Variants in IFT80 observed in about 807,000 individuals in gnomAD.
IFT80 encodes intraflagellar transport protein 80 homolog.
In IFT80, 79 loss-of-function variants were observed where a neutral mutation model predicts 107.9. That is an observed-to-expected ratio of 0.73 (90% CI 0.61 to 0.88). The LOEUF (loss-of-function observed/expected upper bound fraction) is 0.88. IFT80 is among the 40% of genes least tolerant of loss of function. The pLI, the probability that IFT80 is intolerant of heterozygous loss-of-function variation, is 0.00. For synonymous variants in IFT80, 299 were observed against 300.9 expected, an observed-to-expected ratio of 0.99 and a Z score of 0.07; for missense variants, 797 against 914.2, an observed-to-expected ratio of 0.87 and a Z score of 1.65.
In IFT80 at chr3:160,279,380, G is replaced by C; in HGVS notation, c.1665-16C>G. ...ACTAAATTCACTGTTGAAAAAAAAA[G>C]CAAAGTACAATTTAAAGTTGTATTC... On this transcript the variant is annotated splice_polypyrimidine_tract_variant and intron_variant, in intron 15 of 19. Transcript: ENST00000326448. The C allele has an allele frequency of 1.9e-6, 3 of 1,599,896 alleles. No homozygotes were observed. The highest frequency in any genetic ancestry group is 2.6e-6 in the Non-Finnish European group (3 of 1,168,070).
chr3:160,376,096 G>A (rs112615607), intron 4 of IFT80, among the ~76,000 whole-genome samples: 2 of 152,126 alleles, frequency 1.3e-5, no homozygotes, highest in African/African-American at 2.4e-5. Context: ...ACGTTGAAAC[G>A]ATTTTATCAA....
At chr3:160,312,695 A>G (rs1717399734) in intron 9 of IFT80, among the ~76,000 whole-genome samples, 1 of 51,618 alleles carries the variant, frequency 1.9e-5, no homozygotes, top group African/African-American at 8.7e-5. Context: ...TATATTATAT[A>G]TAAATATATA....
intron 8 of IFT80, among the ~76,000 whole-genome samples, chr3:160,346,757 T>C (rs1480184599): frequency 6.6e-6 from 1 of 152,132 alleles, no homozygotes; most frequent in Non-Finnish European, 1.5e-5. Flanking sequence ...AAAAATACTC[T>C]CCCACTCTTT....
At chr3:160,313,112 A>T (rs1258465400) in intron 9 of IFT80, among the ~76,000 whole-genome samples, 1 of 119,180 alleles carries the variant, frequency 8.4e-6, no homozygotes, top group Non-Finnish European at 1.6e-5. Context: ...TTTTTTATAT[A>T]TATTTAAATC....
intron 12 of IFT80, among the ~76,000 whole-genome samples, chr3:160,295,895 A>G (rs1715938333): frequency 6.6e-6 from 1 of 152,216 alleles, no homozygotes; most frequent in South Asian, 2.1e-4. Context: ...AAAGCTAGTC[A>G]CAGAAGAACA....
intron 8 of IFT80, among the ~76,000 whole-genome samples, chr3:160,337,011 C>T (rs1016338634): frequency 6.6e-6 from 1 of 152,052 alleles, no homozygotes; most frequent in African/African-American, 2.4e-5. Context: ...AAGTAATAAC[C>T]CTTTTATTAC....
At chr3:160,305,118 TAATAAA>T (rs1559929458) in intron 10 of IFT80, among the ~76,000 whole-genome samples, 1 of 152,264 alleles carries the variant, frequency 6.6e-6, no homozygotes, top group Non-Finnish European at 1.5e-5. Context: ...CATCCTTAAA[TAATAAA>T]AATTGTTCCA....
At chr3:160,280,840 G>T (rs1346669514) in intron 14 of IFT80, 26 bp from the exon 15 acceptor site, 2 of 1,597,164 alleles carry the variant, frequency 1.3e-6, no homozygotes, top group Non-Finnish European at 1.7e-6. Context: ...ATGTTAATGT[G>T]CTATTAGCTT....
chr3:160,379,407 C>T (rs2108400260), intron 3 of IFT80, among the ~76,000 whole-genome samples: 1 of 152,252 alleles, frequency 6.6e-6, no homozygotes, highest in East Asian at 1.9e-4. Context: ...TAGATAATAG[C>T]ATTGCATCAG....
chr3:160,363,651 A>G (rs766628171), intron 6 of IFT80, among the ~76,000 whole-genome samples: 9 of 152,230 alleles, frequency 5.9e-5, no homozygotes, highest in Non-Finnish European at 1.3e-4. Context: ...TACTGGTACC[A>G]AAACAGAGAT....
chr3:160,310,187 T>C (rs1717141140), intron 9 of IFT80, among the ~76,000 whole-genome samples: 1 of 152,126 alleles, frequency 6.6e-6, no homozygotes, highest in Admixed American at 6.6e-5. Context: ...CAAGTCTAGA[T>C]GGGAAATGTA....
intron 8 of IFT80, 124 bp downstream of exon 8, chr3:160,355,889 C>T: frequency 8.4e-7 from 1 of 1,188,146 alleles, no homozygotes. Flanking sequence ...ATTAAGAAGA[C>T]AAATCAGAAA....
intron 6 of IFT80, among the ~76,000 whole-genome samples, chr3:160,364,195 T>A (rs1160713843): frequency 2.6e-5 from 4 of 152,094 alleles, no homozygotes; most frequent in Non-Finnish European, 5.9e-5. Flanking sequence ...GGGCAAAGGA[T>A]ATGAACAGAC....
chr3:160,299,221 C>CA, intron 12 of IFT80: 1 of 1,129,900 alleles, frequency 8.9e-7, no homozygotes, highest in South Asian at 2.1e-5. Context: ...CTTTCTTAGC[C>CA]AAAAAGGAAG....
rs200445193 is a variant in IFT80 at position 160,279,069 on chromosome 3, TA to T, written c.1836+123del. ...TCTGTATTGCCCATGTCTTTACTTATAAAAAAAGACATGATCTTATTCACAA... is the reference window on the plus strand; with the variant it reads ...TCTGTATTGCCCATGTCTTTACTTATAAAAAAGACATGATCTTATTCACAA... On this transcript the variant is annotated intron_variant, in intron 16 of 19. Transcript: ENST00000326448. 4.9e-3 allele frequency: 3,569 copies of T among 727,222 alleles called. 94 individuals carry two copies. In the African/African-American group the frequency reaches 0.053, roughly 11 times the overall value. The allele number at this position is 727,222 out of a possible 1,614,324, so 45.0% of individuals were successfully genotyped here.
At chr3:160,296,691 A>G (rs1292851611) in intron 12 of IFT80, among the ~76,000 whole-genome samples, 1 of 152,096 alleles carries the variant, frequency 6.6e-6, no homozygotes, top group African/African-American at 2.4e-5. Context: ...ACAATTTGCT[A>G]TTCAACCTTA....
chr3:160,359,097 T>C (rs1721307258), intron 6 of IFT80, among the ~76,000 whole-genome samples: 1 of 152,188 alleles, frequency 6.6e-6, no homozygotes, highest in Non-Finnish European at 1.5e-5. Context: ...ACAATCCTAA[T>C]TTGAATATGT....
At chr3:160,361,893 T>C (rs1721518478) in intron 6 of IFT80, among the ~76,000 whole-genome samples, 1 of 152,120 alleles carries the variant, frequency 6.6e-6, no homozygotes, top group South Asian at 2.1e-4. Flanking sequence ...AGAGGGAAAT[T>C]TATAGCACTA....
At chr3:160,347,389 A>C (rs1238305926) in intron 8 of IFT80, among the ~76,000 whole-genome samples, 2 of 152,156 alleles carry the variant, frequency 1.3e-5, no homozygotes, top group Non-Finnish European at 2.9e-5. Flanking sequence ...CGGCTGCTTC[A>C]GTGGAGGAAC....
Sources: gnomAD v4.1 joint callset for allele counts (sites outside exome capture counted in the v4.1 genomes callset) on GRCh38, gnomAD v4.1.1 for gene constraint, MANE v1.5 for transcripts, NCBI Gene and HGNC (gene_info 2026-07-23, HGNC 2026-07-21) for gene names.